SHANK2: variants seen among roughly 807,000 people sequenced by gnomAD.
The protein encoded by SHANK2 is SH3 and multiple ankyrin repeat domains 2, also known as SH3 and multiple ankyrin repeat domains protein 2.
SHANK2 carries 43 observed loss-of-function variants against 133.7 expected under a neutral mutation model. That is an observed-to-expected ratio of 0.32 (90% CI 0.25 to 0.41). SHANK2 has a LOEUF of 0.41. Among genes scored for constraint, SHANK2 ranks in the 10% least tolerant of loss-of-function variants. The probability of loss-of-function intolerance (pLI) is 1.00; values close to 1 mark genes in which losing one functional copy is unlikely to be tolerated. For synonymous variants in SHANK2, 1,017 were observed against 952.8 expected, an observed-to-expected ratio of 1.07 and a Z score of -1.24; for missense variants, 1,994 against 2,235.8, an observed-to-expected ratio of 0.89 and a Z score of 2.18.
intron 17 of SHANK2, among the ~76,000 whole-genome samples, chr11:70,606,427 A>G (rs1565173228): frequency 7.0e-6 from 1 of 142,482 alleles, no homozygotes; most frequent in Non-Finnish European, 1.5e-5. Flanking sequence ...GGCACATGCC[A>G]TCATATGACC....
At chr11:70,858,567 GT>G (rs1949206469) in intron 11 of SHANK2, among the ~76,000 whole-genome samples, 1 of 152,226 alleles carries the variant, frequency 6.6e-6, no homozygotes, top group Admixed American at 6.5e-5. Context: ...CAGCCTTCCA[GT>G]GTGAGCCCTG....
intron 3 of SHANK2, among the ~76,000 whole-genome samples, chr11:71,128,536 G>A (rs1362610464): frequency 1.3e-5 from 2 of 152,148 alleles, no homozygotes; most frequent in African/African-American, 2.4e-5. Flanking sequence ...GCCTTGCGAT[G>A]ATGTACACAC....
chr11:70,853,658 T>G (rs1555066305), intron 11 of SHANK2, among the ~76,000 whole-genome samples: 5 of 152,166 alleles, frequency 3.3e-5, no homozygotes, highest in Non-Finnish European at 5.9e-5. Flanking sequence ...AAATACAGGA[T>G]GCGTCCCATG....
chr11:70,555,686 A>G (rs1252462931), intron 17 of SHANK2, among the ~76,000 whole-genome samples: 1 of 152,244 alleles, frequency 6.6e-6, no homozygotes, highest in Non-Finnish European at 1.5e-5. Context: ...TGAATATGCC[A>G]CTGCATTCCA....
intron 5 of SHANK2, among the ~76,000 whole-genome samples, chr11:71,111,629 G>A (rs1027937068): frequency 9.9e-5 from 15 of 152,138 alleles, no homozygotes; most frequent in African/African-American, 2.4e-5. Context: ...GGACAAATGC[G>A]GCTTCTGACA....
At chr11:70,738,921 G>A (rs1946465271) in intron 14 of SHANK2, among the ~76,000 whole-genome samples, 1 of 152,228 alleles carries the variant, frequency 6.6e-6, no homozygotes, top group African/African-American at 2.4e-5. Context: ...TCCGGCCCAT[G>A]GAGAAAGACA....
intron 14 of SHANK2, among the ~76,000 whole-genome samples, chr11:70,772,144 C>T (rs890953250): frequency 6.6e-6 from 1 of 152,032 alleles, no homozygotes; most frequent in Non-Finnish European, 1.5e-5. Context: ...ACAAGCCCCC[C>T]TAGTTTGAGA....
At chr11:71,058,175 G>A (rs910245530) in intron 9 of SHANK2, among the ~76,000 whole-genome samples, 17 of 152,162 alleles carry the variant, frequency 1.1e-4, no homozygotes, top group Non-Finnish European at 4.4e-5. Flanking sequence ...GATTACAGGC[G>A]TGAGCCACTG....
chr11:71,224,302 G>A (rs1954605107), intron 2 of SHANK2, among the ~76,000 whole-genome samples: 1 of 151,934 alleles, frequency 6.6e-6, no homozygotes, highest in Admixed American at 6.6e-5. Flanking sequence ...ACAGACCTGG[G>A]CTTCACTGCA....
In SHANK2 at chr11:70,750,484, C is replaced by T. The variant is rs556264613; in HGVS notation, c.1777+47959G>A. Among the ~76,000 whole-genome samples the T allele has an allele frequency of 1.1e-3, 173 of 152,264 alleles. 3 individuals carry two copies. Among genetic ancestry groups the T allele is most frequent in the African/African-American group, 3.9e-3 (164 of 41,546 alleles). ...TTTGGCCTCTCTCTCTCTTTTTCTG[C>T]CATTTGACCGTGGATGAAGGTCCAT... On this transcript the variant is annotated intron_variant, in intron 14 of 25. Transcript: ENST00000601538.
intron 17 of SHANK2, among the ~76,000 whole-genome samples, chr11:70,529,119 G>T (rs1554972700): frequency 6.6e-6 from 1 of 152,152 alleles, no homozygotes; most frequent in African/African-American, 2.4e-5. Context: ...AGAAACGGGT[G>T]CCTGGGGAGC....
At chr11:70,875,943 G>A (rs1299299659) in intron 11 of SHANK2, among the ~76,000 whole-genome samples, 3 of 150,736 alleles carry the variant, frequency 2.0e-5, no homozygotes, top group African/African-American at 7.3e-5. Flanking sequence ...GATCACCTGA[G>A]GTTGGGAGTT....
At chr11:71,083,732 C>G (rs1951334348) in intron 8 of SHANK2, among the ~76,000 whole-genome samples, 1 of 152,324 alleles carries the variant, frequency 6.6e-6, no homozygotes, top group East Asian at 1.9e-4. Flanking sequence ...ACCACACCCC[C>G]TGTGGCCAGG....
intron 17 of SHANK2, among the ~76,000 whole-genome samples, chr11:70,516,606 G>A (rs1465051839): frequency 6.6e-6 from 1 of 152,196 alleles, no homozygotes; most frequent in Non-Finnish European, 1.5e-5. Flanking sequence ...CAAAATTGAT[G>A]TTGGACTTCC....
chr11:70,512,143 C>T (rs1591522866), intron 17 of SHANK2, among the ~76,000 whole-genome samples: 1 of 152,248 alleles, frequency 6.6e-6, no homozygotes, highest in South Asian at 2.1e-4. Context: ...TGATTTTGGA[C>T]CAATTAATTC....
intron 14 of SHANK2, among the ~76,000 whole-genome samples, chr11:70,723,805 C>T (rs187634651): frequency 6.6e-6 from 1 of 152,158 alleles, no homozygotes; most frequent in African/African-American, 2.4e-5. Flanking sequence ...TGTAGAGAGG[C>T]AATATGGGAG....
Position 70,664,665 on chromosome 11 carries a change from C to T in SHANK2, c.1854-2987G>A, listed in dbSNP as rs140355489. ...GCCCAACGCCATCCAAACCTTGCAT[C>T]TCCAAGATGACCCAGACCACTTCCT... On this transcript the variant is annotated intron_variant, in intron 15 of 25. Coordinates refer to ENST00000601538, the MANE Select transcript of SHANK2 (RefSeq NM_012309.5). 1.5e-3 allele frequency among the ~76,000 whole-genome samples: 223 copies of T among 152,342 alleles called. 1 individual carries two copies. The highest frequency in any genetic ancestry group is 9.6e-3 in the Admixed American group (147 of 15,306).
At chr11:70,575,132 T>A (rs2060099616) in intron 17 of SHANK2, among the ~76,000 whole-genome samples, 1 of 152,096 alleles carries the variant, frequency 6.6e-6, no homozygotes, top group Non-Finnish European at 1.5e-5. Context: ...GACAAGGACA[T>A]CACACTGAGT....
intron 17 of SHANK2, among the ~76,000 whole-genome samples, chr11:70,612,616 C>T (rs2060675189): frequency 6.6e-6 from 1 of 152,200 alleles, no homozygotes; most frequent in Non-Finnish European, 1.5e-5. Flanking sequence ...ATGCAAAACG[C>T]TCAACGCTCC....
Sources: gnomAD v4.1 joint callset for allele counts (sites outside exome capture counted in the v4.1 genomes callset) on GRCh38, gnomAD v4.1.1 for gene constraint, MANE v1.5 for transcripts, NCBI Gene and HGNC (gene_info 2026-07-23, HGNC 2026-07-21) for gene names.